Variants in KIF20B observed in about 807,000 individuals in gnomAD.
KIF20B encodes the protein kinesin-like protein KIF20B.
Under a neutral mutation model 232.5 loss-of-function variants are expected in KIF20B, and 188 were observed. The observed-to-expected ratio is 0.81, with a 90% CI of 0.72 to 0.91. KIF20B has a LOEUF of 0.91. KIF20B is among the 40% of genes least tolerant of loss of function. The pLI, the probability that KIF20B is intolerant of heterozygous loss-of-function variation, is 0.00. For missense variants in KIF20B, 2,154 were observed against 2,055.9 expected (o/e 1.05, Z -0.92); for synonymous variants, 712 against 683.0 (o/e 1.04, Z -0.66).
chr10:89,741,898 G>T (rs1483855381), intron 21 of KIF20B, among the ~76,000 whole-genome samples: 1 of 152,142 alleles, frequency 6.6e-6, no homozygotes, highest in South Asian at 2.1e-4. Flanking sequence ...ACGTGTCATG[G>T]TATCAGGGAC....
intron 31 of KIF20B, among the ~76,000 whole-genome samples, chr10:89,772,098 A>G (rs1024470457): frequency 4.1e-4 from 62 of 152,002 alleles, no homozygotes; most frequent in African/African-American, 1.4e-3. Flanking sequence ...CTATCCAGGA[A>G]TTTTCCCACA....
intron 1 of KIF20B, among the ~76,000 whole-genome samples, chr10:89,704,116 T>A (rs934564651): frequency 5.9e-5 from 9 of 152,150 alleles, no homozygotes; most frequent in African/African-American, 2.2e-4. Flanking sequence ...TGAGCTAAGA[T>A]CCCTACCAGC....
At chr10:89,723,848 A>G in intron 13 of KIF20B, 116 bp from the exon 14 acceptor site, 1 of 869,454 alleles carries the variant, frequency 1.2e-6, no homozygotes, top group Non-Finnish European at 1.6e-6. Flanking sequence ...ACTATTAAAA[A>G]GGACACAGAA....
intron 13 of KIF20B, among the ~76,000 whole-genome samples, chr10:89,720,775 G>A (rs929146490): frequency 5.9e-5 from 9 of 152,028 alleles, no homozygotes; most frequent in African/African-American, 2.2e-4. Flanking sequence ...GCACGATCTC[G>A]GCTTACTGCA....
chr10:89,763,744 C>G (rs1444727720), intron 29 of KIF20B, among the ~76,000 whole-genome samples: 1 of 151,666 alleles, frequency 6.6e-6, no homozygotes, highest in East Asian at 1.9e-4. Flanking sequence ...CTGTTTTCTC[C>G]TTTTTGGAAC....
rs753493247 is a variant in KIF20B at position 89,731,049 on chromosome 10, A to G, written c.2391+1802A>G. ...ATGTTAAAATTTTGAGACTTGGGGC[A>G]GTAAATTAATTGCTGGGCCTCCTGG... On this transcript the variant is annotated intron_variant, in intron 18 of 32. Transcript: ENST00000371728. Among the ~76,000 whole-genome samples the G allele has an allele frequency of 2.4e-4, 37 of 152,202 alleles. 1 individual carries two copies. Among genetic ancestry groups the G allele is most frequent in the Middle Eastern group, 3.2e-3 (1 of 316 alleles).
intron 29 of KIF20B, among the ~76,000 whole-genome samples, chr10:89,763,641 A>C (rs1842290819): frequency 6.6e-6 from 1 of 151,908 alleles, no homozygotes; most frequent in African/African-American, 2.4e-5. Context: ...AAAGCTATTA[A>C]CCTCTTCTTA....
intron 24 of KIF20B, among the ~76,000 whole-genome samples, chr10:89,752,108 A>G (rs555471667): frequency 1.3e-5 from 2 of 151,978 alleles, no homozygotes; most frequent in African/African-American, 4.8e-5. Context: ...CATATTGTAC[A>G]TTATTCTTAT....
At position 89,727,760 on chromosome 10, in the gene KIF20B, A is replaced by G. The variant is rs1290954309; in HGVS notation, c.2231-96A>G. ...AATCCTTTTTATTGAATGTAACAGT[A>G]AAGTGTCACTAGAGCAGCATATGTT... On this transcript the variant is annotated intron_variant, in intron 16 of 32. Coordinates refer to ENST00000371728, the MANE Select transcript of KIF20B (RefSeq NM_001284259.2). 8.4e-6 allele frequency: 9 copies of G among 1,072,898 alleles called. No individual in the cohort carries two copies. The Admixed American group carries it at 2.8e-4, about 33-fold the overall frequency. The allele number at this position is 1,072,898 out of a possible 1,614,324, so 66.5% of individuals were successfully genotyped here.
chr10:89,736,522 A>G (rs1277331072), intron 19 of KIF20B, among the ~76,000 whole-genome samples: 1 of 152,188 alleles, frequency 6.6e-6, no homozygotes, highest in African/African-American at 2.4e-5. Flanking sequence ...ACATGTATAC[A>G]ACATTTATGT....
At chr10:89,713,399 A>G (rs961756305) in intron 6 of KIF20B, among the ~76,000 whole-genome samples, 8 of 151,200 alleles carry the variant, frequency 5.3e-5, no homozygotes, top group African/African-American at 1.5e-4. Context: ...TATCCAGTTA[A>G]AACATGATAC....
intron 6 of KIF20B, among the ~76,000 whole-genome samples, chr10:89,711,720 CA>C (rs1842840994): frequency 6.6e-6 from 1 of 151,662 alleles, no homozygotes; most frequent in African/African-American, 2.4e-5. Flanking sequence ...CTATGCTTAC[CA>C]TTCTATGACT....
rs1841718678 is a variant in KIF20B at position 89,738,503 on chromosome 10, A to G, written c.3662A>G (p.Lys1221Arg). ...SVKNTKDLNV[K>R]ELKLKEEITQ... ...AAAAACACCAAAGATTTAAATGTAAAGGAACTCAAGCTGAAAGAAGAAATC... is the reference window on the plus strand; with the variant it reads ...AAAAACACCAAAGATTTAAATGTAAGGGAACTCAAGCTGAAAGAAGAAATC... The change falls in exon 20 of 33, where the codon AAG becomes AGG. Residue 1221 changes from lysine (K) to arginine (R), a missense_variant. Transcript: ENST00000371728. 1 of 1,604,836 alleles carries G rather than the reference A, an allele frequency of 6.2e-7. No homozygotes were observed. The highest frequency in any genetic ancestry group is 1.3e-5 in the African/African-American group (1 of 74,354).
chr10:89,711,705 T>A (rs1842840584), intron 6 of KIF20B, among the ~76,000 whole-genome samples: 1 of 152,040 alleles, frequency 6.6e-6, no homozygotes, highest in Non-Finnish European at 1.5e-5. Flanking sequence ...AAAAAAGAGA[T>A]CTTACTATGC....
intron 25 of KIF20B, among the ~76,000 whole-genome samples, chr10:89,753,358 T>C (rs547230898): frequency 1.3e-5 from 2 of 152,338 alleles, no homozygotes; most frequent in East Asian, 1.9e-4. Flanking sequence ...ATTAAACATA[T>C]GCTGAAAACA....
At chr10:89,764,803 G>C (rs1842320661) in intron 29 of KIF20B, among the ~76,000 whole-genome samples, 1 of 151,940 alleles carries the variant, frequency 6.6e-6, no homozygotes, top group African/African-American at 2.4e-5. Context: ...TTAGCCCTTT[G>C]TCAGATGAGT....
chr10:89,728,001 T>C (rs928271800), intron 17 of KIF20B, 105 bp downstream of exon 17: 6 of 1,046,468 alleles, frequency 5.7e-6, no homozygotes, highest in Non-Finnish European at 7.9e-6. Context: ...AACAGTAATA[T>C]AGTCTCTTGG....
chr10:89,724,164 T>G, intron 14 of KIF20B, 61 bp downstream of exon 14: 1 of 1,391,248 alleles, frequency 7.2e-7, no homozygotes, highest in South Asian at 1.9e-5. Context: ...TTTTAGTTTT[T>G]TTTTTTACTT....
At chr10:89,703,642 G>C (rs1349405630) in intron 1 of KIF20B, among the ~76,000 whole-genome samples, 1 of 152,134 alleles carries the variant, frequency 6.6e-6, no homozygotes, top group Non-Finnish European at 1.5e-5. Context: ...GCAGTTTCAT[G>C]GGGCATTCAA....
Sources: gnomAD v4.1 joint callset for allele counts (sites outside exome capture counted in the v4.1 genomes callset) on GRCh38, gnomAD v4.1.1 for gene constraint, MANE v1.5 for transcripts, NCBI Gene and HGNC (gene_info 2026-07-23, HGNC 2026-07-21) for gene names.